TRPC7: variants seen among roughly 807,000 people sequenced by gnomAD.
TRPC7 encodes transient receptor potential cation channel subfamily C member 7, also known as short transient receptor potential channel 7.
TRPC7 carries 42 observed loss-of-function variants against 90.1 expected under a neutral mutation model. The observed-to-expected ratio is 0.47, with a 90% CI of 0.36 to 0.60. The LOEUF (loss-of-function observed/expected upper bound fraction) is 0.60, where lower values mean the gene tolerates loss of function less well. Ranked by LOEUF, TRPC7 falls within the 20% of genes least tolerant of loss-of-function variation. The pLI, the probability that TRPC7 is intolerant of heterozygous loss-of-function variation, is 0.00. For missense variants in TRPC7, 955 were observed against 1,112.3 expected, an observed-to-expected ratio of 0.86 and a Z score of 2.01; for synonymous variants, 451 against 436.3, an observed-to-expected ratio of 1.03 and a Z score of -0.42.
chr5:136,357,179 T>A lies in TRPC7; in HGVS notation c.209A>T (p.Asn70Ile). 1 of 1,614,024 alleles carries A rather than the reference T, an allele frequency of 6.2e-7. No homozygotes were observed. The highest frequency in any genetic ancestry group is 8.5e-7 in the Non-Finnish European group (1 of 1,179,988). The change falls in exon 2 of 12, where the codon AAC becomes ATC. Residue 70 changes from asparagine (N) to isoleucine (I), a missense_variant. Asn to Ile is a moderately radical substitution (Grantham distance 149). Coordinates refer to ENST00000513104, the MANE Select transcript of TRPC7 (RefSeq NM_020389.3). ...CCCCATGTAGTCCACACAGTTGAAGTTAAGGGTCTTGGACTCCTCCAGCAT... is the reference window on the plus strand; with the variant it reads ...CCCCATGTAGTCCACACAGTTGAAGATAAGGGTCTTGGACTCCTCCAGCAT... ...RKMLEESKTL[N>I]FNCVDYMGQN...
intron 2 of TRPC7, among the ~76,000 whole-genome samples, chr5:136,348,672 G>A (rs1760087468): frequency 6.6e-6 from 1 of 152,176 alleles, no homozygotes. Flanking sequence ...TTCATTGCAT[G>A]AATAGGGAAT....
chr5:136,279,355 G>A (rs1041256594), intron 3 of TRPC7, among the ~76,000 whole-genome samples: 20 of 152,276 alleles, frequency 1.3e-4, no homozygotes, highest in African/African-American at 4.8e-4. Flanking sequence ...TCAGTCTCAG[G>A]GTGCAGGCAC....
At chr5:136,226,939 G>A (rs1322815958) in intron 8 of TRPC7, among the ~76,000 whole-genome samples, 1 of 152,222 alleles carries the variant, frequency 6.6e-6, no homozygotes, top group Non-Finnish European at 1.5e-5. Flanking sequence ...CACATTTTAA[G>A]TGCTTGATAG....
intron 1 of TRPC7, 113 bp downstream of exon 1, chr5:136,365,140 A>C (rs1367745763): frequency 8.6e-7 from 1 of 1,159,568 alleles, no homozygotes; most frequent in Non-Finnish European, 1.2e-6. Flanking sequence ...AAATCTAAGC[A>C]GTGCACTAGA....
At chr5:136,351,030 C>G (rs1760176219) in intron 2 of TRPC7, among the ~76,000 whole-genome samples, 1 of 152,322 alleles carries the variant, frequency 6.6e-6, no homozygotes, top group Admixed American at 6.5e-5. Flanking sequence ...ATCCTGTATA[C>G]TTTAAATCAT....
At chr5:136,243,810 A>G (rs1245397921) in intron 7 of TRPC7, among the ~76,000 whole-genome samples, 1 of 152,014 alleles carries the variant, frequency 6.6e-6, no homozygotes, top group East Asian at 1.9e-4. Flanking sequence ...TTTCTGTTCA[A>G]TCAAATCCTA....
intron 5 of TRPC7, among the ~76,000 whole-genome samples, chr5:136,255,120 G>A (rs754493985): frequency 5.9e-5 from 9 of 152,192 alleles, no homozygotes; most frequent in African/African-American, 2.2e-4. Context: ...TGAAGATGCC[G>A]TGAACATTGT....
rs752301547 is a variant in TRPC7, at chr5:136,266,474, T to G, written c.1129-38A>C. 8 of 1,560,288 alleles carry G rather than the reference T, an allele frequency of 5.1e-6. No individual in the cohort carries two copies. In the Admixed American group the frequency reaches 1.2e-4, roughly 24 times the overall value. ...TGTGTTCAAGACATGTTAAACTGTC[T>G]CTAGGTGGATGTAGGTCTTTCTTTA... On this transcript the variant is annotated intron_variant, in intron 4 of 11. Coordinates refer to ENST00000513104, the MANE Select transcript of TRPC7 (RefSeq NM_020389.3).
chr5:136,255,994 A>G (rs1756675386), intron 5 of TRPC7, among the ~76,000 whole-genome samples: 2 of 152,344 alleles, frequency 1.3e-5, no homozygotes, highest in South Asian at 2.1e-4. Context: ...TCTTACGACT[A>G]CTCAGACCTG....
intron 3 of TRPC7, among the ~76,000 whole-genome samples, chr5:136,295,497 T>C (rs1222568799): frequency 6.6e-6 from 1 of 152,108 alleles, no homozygotes; most frequent in Non-Finnish European, 1.5e-5. Flanking sequence ...CAGGGTGAGC[T>C]TGGCTTAGCC....
intron 2 of TRPC7, among the ~76,000 whole-genome samples, chr5:136,325,796 G>T (rs1467446966): frequency 6.6e-6 from 1 of 152,086 alleles, no homozygotes; most frequent in African/African-American, 2.4e-5. Flanking sequence ...CCCAAAGCTG[G>T]ATCAAAAGGA....
intron 5 of TRPC7, among the ~76,000 whole-genome samples, chr5:136,260,558 CAG>C (rs1483250830): frequency 1.3e-5 from 2 of 152,080 alleles, no homozygotes; most frequent in African/African-American, 2.4e-5. Context: ...GGGGCTGAAA[CAG>C]AGTGAGTGAG....
intron 2 of TRPC7, among the ~76,000 whole-genome samples, chr5:136,348,439 C>T (rs187050759): frequency 4.8e-4 from 73 of 152,272 alleles, no homozygotes; most frequent in African/African-American, 1.7e-3. Context: ...CATTGGGTTT[C>T]ATTTTAGACA....
At chr5:136,324,405 C>T (rs1481696686) in intron 2 of TRPC7, among the ~76,000 whole-genome samples, 1 of 152,110 alleles carries the variant, frequency 6.6e-6, no homozygotes, top group African/African-American at 2.4e-5. Flanking sequence ...ATTAATGGCT[C>T]AGAGCTTTTT....
rs183010148 is a variant in TRPC7, at chr5:136,252,773, C to G, written c.1346-891G>C. 4.9e-3 allele frequency among the ~76,000 whole-genome samples: 740 copies of G among 152,338 alleles called. 2 individuals are homozygous for G. The highest frequency in any genetic ancestry group is 0.016 in the African/African-American group (651 of 41,578). On this transcript the variant is annotated intron_variant, in intron 5 of 11. Transcript: ENST00000513104. ...CTCCTATGAGAATCTAATGCCGCTG[C>G]TGATCTGACAGGAGCTGGAGCTCAG... is the stretch of plus-strand genomic sequence containing the variant.
intron 2 of TRPC7, among the ~76,000 whole-genome samples, chr5:136,355,156 TG>T (rs1212339008): frequency 6.6e-6 from 1 of 152,176 alleles, no homozygotes; most frequent in Non-Finnish European, 1.5e-5. Flanking sequence ...AATGGCAGCA[TG>T]AGAAATAATG....
chr5:136,265,458 TA>T (rs1756992371), intron 5 of TRPC7, among the ~76,000 whole-genome samples: 1 of 152,180 alleles, frequency 6.6e-6, no homozygotes, highest in Admixed American at 6.5e-5. Flanking sequence ...TTTTTCCTAC[TA>T]AGACTGATTT....
At chr5:136,275,870 T>C (rs906652601) in intron 3 of TRPC7, among the ~76,000 whole-genome samples, 1 of 152,176 alleles carries the variant, frequency 6.6e-6, no homozygotes, top group Non-Finnish European at 1.5e-5. Flanking sequence ...ATGGACTAAG[T>C]AGCAAAACAA....
chr5:136,243,046 C>T (rs1756218711), intron 7 of TRPC7, among the ~76,000 whole-genome samples: 1 of 152,106 alleles, frequency 6.6e-6, no homozygotes, highest in African/African-American at 2.4e-5. Flanking sequence ...AGACACTGGG[C>T]GATAGGGCAG....
Sources: gnomAD v4.1 joint callset for allele counts (sites outside exome capture counted in the v4.1 genomes callset) on GRCh38, gnomAD v4.1.1 for gene constraint, MANE v1.5 for transcripts, NCBI Gene and HGNC (gene_info 2026-07-23, HGNC 2026-07-21) for gene names.